IRAG2: variants seen among roughly 807,000 people sequenced by gnomAD.
IRAG2 encodes lymphoid restricted membrane protein.
A neutral mutation model predicts 69.9 loss-of-function variants in IRAG2; 45 were observed. The observed-to-expected ratio is 0.64, with a 90% confidence interval of 0.51 to 0.83. The LOEUF is 0.83. Ranked by LOEUF, IRAG2 falls within the 40% of genes least tolerant of loss-of-function variation. The probability of loss-of-function intolerance (pLI) is 0.00; values close to 1 mark genes in which losing one functional copy is unlikely to be tolerated. For missense variants in IRAG2, 520 were observed against 587.0 expected (o/e 0.89, Z 1.18); for synonymous variants, 193 against 202.4 (o/e 0.95, Z 0.40).
chr12:25,077,343 T>TATATATG (rs1565563483), intron 6 of IRAG2, among the ~76,000 whole-genome samples: 6 of 54,760 alleles, frequency 1.1e-4, no homozygotes, highest in African/African-American at 3.6e-4. Context: ...ATATATGAAA[T>TATATATG]ATATATATGA....
At chr12:25,105,177 C>T (rs1206966025) in intron 20 of IRAG2, among the ~76,000 whole-genome samples, 5 of 150,574 alleles carry the variant, frequency 3.3e-5, no homozygotes, top group East Asian at 2.0e-4. Flanking sequence ...CCTGGGTTCA[C>T]GCCATTCTCC....
upstream of IRAG2, among the ~76,000 whole-genome samples, chr12:25,050,545 AAACAAAC>A (rs1944843043): frequency 6.9e-5 from 4 of 58,188 alleles, no homozygotes; most frequent in Non-Finnish European, 1.5e-4. Context: ...ACAAACAAAC[AAACAAAC>A]AAAAAAAAAC....
chr12:25,093,250 G>C (rs1011621079), intron 14 of IRAG2: 1 of 153,722 alleles, frequency 6.5e-6, no homozygotes, highest in Admixed American at 6.5e-5. Context: ...TTCACTTCTT[G>C]ATTTCTTCCT....
chr12:25,052,090 T>C (rs193254705), upstream of IRAG2: 3 of 389,192 alleles, frequency 7.7e-6, no homozygotes, highest in African/African-American at 6.2e-5. Flanking sequence ...CATTTATATG[T>C]AAATACTTTC....
Position 25,027,307 on chromosome 12 carries a change from A to G in IRAG2, c.1461+441A>G, listed in dbSNP as rs138231874. Among the ~76,000 whole-genome samples the G allele has an allele frequency of 7.3e-3, 1,110 of 151,536 alleles. 6 individuals carry two copies. Among genetic ancestry groups the G allele is most frequent in the African/African-American group, 0.024 (986 of 41,302 alleles). On this transcript the variant is annotated intron_variant, in intron 9 of 38. Coordinates refer to the IRAG2 transcript ENST00000636465. ...TTTCATATAAATTAAATCATATAATATGTTGCCTTTTGTGTGTGGCTGATT... is the reference window on the plus strand; with the variant it reads ...TTTCATATAAATTAAATCATATAATGTGTTGCCTTTTGTGTGTGGCTGATT...
rs1491561440 is a variant in IRAG2, at chr12:25,077,340, A to AT, written c.25-1904_25-1903insT. Among the ~76,000 whole-genome samples, 28 of 72,528 alleles carry AT rather than the reference A, an allele frequency of 3.9e-4. 8 individuals carry two copies. In the South Asian group the frequency reaches 4.4e-3, roughly 12 times the overall value. 47.6% of individuals were successfully genotyped at this position (72,528 alleles called of 152,430 possible). A position where few individuals can be genotyped will look rare whatever the true frequency, so the allele number is the denominator to read the frequency against. ...ATGATATATATATGATATATATATGAAATATATATATGATATATATGATAT... is the reference window on the plus strand; with the variant it reads ...ATGATATATATATGATATATATATGATAATATATATATGATATATATGATAT... On this transcript the variant is annotated intron_variant, in intron 6 of 21. Coordinates refer to ENST00000556887, the MANE Select transcript of IRAG2 (RefSeq NM_001366544.2).
Position 25,089,506 on chromosome 12 carries a change from C to T in IRAG2, c.374-108C>T, listed in dbSNP as rs190251437. The stretch of plus-strand genomic sequence containing the variant: ...ATTATTAGCTGGCGATCATCTCAGA[C>T]ATATTTAAATGAAATACTTTTGTTT... On this transcript the variant is annotated intron_variant, in intron 11 of 21. Coordinates refer to ENST00000556887, the MANE Select transcript of IRAG2 (RefSeq NM_001366544.2). 122 of 642,324 alleles carry T rather than the reference C, an allele frequency of 1.9e-4. No individual in the cohort carries two copies. The African/African-American group carries it at 2.1e-3, about 11-fold the overall frequency. The allele number at this position is 642,324 out of a possible 1,614,324, so 39.8% of individuals were successfully genotyped here.
rs143050135 is a variant in IRAG2 at position 25,023,051 on chromosome 12, G to A, written c.1333-820G>A. Among the ~76,000 whole-genome samples the A allele has an allele frequency of 3.2e-3, 483 of 151,510 alleles. 13 individuals are homozygous for A. In the East Asian group the frequency reaches 0.069, roughly 22 times the overall value. Reference sequence around the variant, plus strand: ...TGAGGCAGGAGAATCACTTGAACCCGGGAGGTGGAGGTTGCAGTGAACCGA... The same window carrying A: ...TGAGGCAGGAGAATCACTTGAACCCAGGAGGTGGAGGTTGCAGTGAACCGA... On this transcript the variant is annotated intron_variant, in intron 7 of 38. Coordinates refer to the IRAG2 transcript ENST00000636465.
chr12:25,057,245 T>C (rs1266802155), intron 1 of IRAG2, among the ~76,000 whole-genome samples: 1 of 139,870 alleles, frequency 7.1e-6, no homozygotes, highest in African/African-American at 2.6e-5. Flanking sequence ...GGTAGACAGG[T>C]AGACAGATTT....
chr12:25,059,863 A>G (rs920800388), intron 1 of IRAG2, among the ~76,000 whole-genome samples: 2 of 152,152 alleles, frequency 1.3e-5, no homozygotes, highest in Non-Finnish European at 2.9e-5. Flanking sequence ...CTTTTTCCTG[A>G]AAAAAATTAA....
chr12:24,997,948 G>T, the IRAG2 span, among the ~76,000 whole-genome samples: 1 of 152,206 alleles, frequency 6.6e-6, no homozygotes, highest in Non-Finnish European at 1.5e-5. Flanking sequence ...TGTTTTCAAT[G>T]GAGCTTTTGG....
At chr12:25,007,797 C>T (rs146764551) in intron 2 of IRAG2, among the ~76,000 whole-genome samples, 3 of 152,326 alleles carry the variant, frequency 2.0e-5, no homozygotes, top group Admixed American at 1.3e-4. Flanking sequence ...GTTGGGATTA[C>T]AGGTGTGAGC....
At chr12:25,031,201 A>G (rs190036847) in intron 10 of IRAG2, 112 of 353,544 alleles carry the variant, frequency 3.2e-4, no homozygotes, top group Non-Finnish European at 4.0e-4. Flanking sequence ...GATACTGCGT[A>G]TTGTCCTAAC....
At chr12:25,054,135 A>C (rs1339146194) in intron 1 of IRAG2, among the ~76,000 whole-genome samples, 1 of 152,220 alleles carries the variant, frequency 6.6e-6, no homozygotes, top group African/African-American at 2.4e-5. Context: ...TATTATTGTC[A>C]TAATTTTTAA....
rs369215899 is a variant in IRAG2 at position 25,079,774 on chromosome 12, G to A, written c.244+11G>A. The A allele has an allele frequency of 1.3e-4, 203 of 1,552,982 alleles. No individual in the cohort carries two copies. Among genetic ancestry groups the A allele is most frequent in the Non-Finnish European group, 4.3e-5 (48 of 1,124,392 alleles). ...CGATAGAGGCCCAAGGTAAAATGTTGACAGGTGTAAGCATGATTTTAATTC... is the reference window on the plus strand; with the variant it reads ...CGATAGAGGCCCAAGGTAAAATGTTAACAGGTGTAAGCATGATTTTAATTC... On this transcript the variant is annotated intron_variant, in intron 9 of 21. Transcript: ENST00000556887.
intron 8 of IRAG2, among the ~76,000 whole-genome samples, chr12:25,024,354 G>C (rs1944606748): frequency 6.6e-6 from 1 of 152,142 alleles, no homozygotes; most frequent in Admixed American, 6.5e-5. Context: ...CCTATGCCAT[G>C]GAGTTATTTT....
chr12:25,089,740 A>T (rs1416728928), intron 12 of IRAG2, 23 bp from the exon 13 acceptor site: 13 of 1,613,038 alleles, frequency 8.1e-6, no homozygotes, highest in Non-Finnish European at 1.1e-5. Context: ...ATGTTTAAAT[A>T]TGTTTTTTGT....
At chr12:25,038,980 C>T (rs1944725592) in intron 16 of IRAG2, among the ~76,000 whole-genome samples, 1 of 152,148 alleles carries the variant, frequency 6.6e-6, no homozygotes, top group Admixed American at 6.5e-5. Context: ...AAATAACTTA[C>T]CCTCTTATCC....
At chr12:25,073,629 C>T (rs755677106) in intron 6 of IRAG2, among the ~76,000 whole-genome samples, 7 of 152,146 alleles carry the variant, frequency 4.6e-5, no homozygotes, top group Non-Finnish European at 7.4e-5. Flanking sequence ...AGGTTAATGT[C>T]TCAAAAAGAA....
Sources: gnomAD v4.1 joint callset for allele counts (sites outside exome capture counted in the v4.1 genomes callset) on GRCh38, gnomAD v4.1.1 for gene constraint, MANE v1.5 for transcripts, NCBI Gene and HGNC (gene_info 2026-07-23, HGNC 2026-07-21) for gene names.